DIS3L2: variants seen among roughly 807,000 people sequenced by gnomAD.
DIS3L2 encodes the protein DIS3-like exonuclease 2.
In DIS3L2, 34 loss-of-function variants were observed where a neutral mutation model predicts 97.5. The ratio of observed to expected loss-of-function variants is 0.35; its 90% CI spans 0.27 to 0.46. The LOEUF (loss-of-function observed/expected upper bound fraction) is 0.46. Ranked by LOEUF, DIS3L2 falls within the 20% of genes least tolerant of loss-of-function variation. The pLI is 1.00. For missense variants in DIS3L2, 1,038 were observed against 1,146.0 expected (o/e 0.91, Z 1.36); for synonymous variants, 435 against 445.2 (o/e 0.98, Z 0.29).
At chr2:232,016,213 A>C (rs1694350198) in intron 3 of DIS3L2, among the ~76,000 whole-genome samples, 1 of 152,230 alleles carries the variant, frequency 6.6e-6, no homozygotes, top group African/African-American at 2.4e-5. Context: ...TACTTTACAA[A>C]CTATGTTTAC....
intron 6 of DIS3L2, among the ~76,000 whole-genome samples, chr2:232,091,076 A>G (rs1296206124): frequency 3.3e-5 from 5 of 152,080 alleles, no homozygotes; most frequent in Non-Finnish European, 7.4e-5. Flanking sequence ...CCACTCCCCA[A>G]TCCCCCTTTG....
At chr2:232,340,440 C>T (rs1696079540), downstream of DIS3L2, among the ~76,000 whole-genome samples, 1 of 152,132 alleles carries the variant, frequency 6.6e-6, no homozygotes, top group South Asian at 2.1e-4. Context: ...CCACCGTGGT[C>T]TGCAGAGGCC....
chr2:232,190,554 G>GGAGAT (rs1240860412), intron 9 of DIS3L2, among the ~76,000 whole-genome samples: 4 of 151,576 alleles, frequency 2.6e-5, no homozygotes, highest in African/African-American at 9.7e-5. Flanking sequence ...GTTCTCAAAA[G>GGAGAT]GAGATGAGAT....
intron 6 of DIS3L2, among the ~76,000 whole-genome samples, chr2:232,113,357 T>C (rs1175696597): frequency 2.6e-5 from 4 of 152,222 alleles, no homozygotes; most frequent in Non-Finnish European, 5.9e-5. Context: ...AGTATTTACT[T>C]TATAGTATGC....
At chr2:232,218,227 A>G (rs1054115338) in intron 10 of DIS3L2, among the ~76,000 whole-genome samples, 4 of 152,200 alleles carry the variant, frequency 2.6e-5, no homozygotes, top group Non-Finnish European at 4.4e-5. Context: ...GTCATAAGCG[A>G]GGAACCGCGG....
At chr2:232,087,449 C>A in intron 5 of DIS3L2, 38 bp from the exon 6 acceptor site, 1 of 1,452,390 alleles carries the variant, frequency 6.9e-7, no homozygotes, top group Non-Finnish European at 9.3e-7. Flanking sequence ...TTTTTTTCCT[C>A]TCTCAGTGAT....
intron 14 of DIS3L2, among the ~76,000 whole-genome samples, chr2:232,303,059 T>A (rs1047544517): frequency 1.3e-5 from 2 of 152,180 alleles, no homozygotes; most frequent in African/African-American, 4.8e-5. Context: ...GCTTGTTGCC[T>A]CTTCTTCCCA....
chr2:232,200,150 T>C (rs367862832), intron 9 of DIS3L2, among the ~76,000 whole-genome samples: 4 of 152,146 alleles, frequency 2.6e-5, no homozygotes, highest in African/African-American at 9.7e-5. Context: ...GATATAAATA[T>C]GGAATGGGGG....
chr2:232,144,441 C>T (rs749425269), intron 8 of DIS3L2, among the ~76,000 whole-genome samples: 5 of 151,996 alleles, frequency 3.3e-5, no homozygotes, highest in Non-Finnish European at 7.4e-5. Context: ...GTCATGTTTC[C>T]TCTTCTAGAC....
chr2:232,045,670 CTTTTTT>C (rs35019734), intron 5 of DIS3L2, among the ~76,000 whole-genome samples: 4 of 99,052 alleles, frequency 4.0e-5, no homozygotes, highest in African/African-American at 1.5e-4. Flanking sequence ...AAAGGCCTCA[CTTTTTT>C]TTTTTTTTTT....
intron 6 of DIS3L2, among the ~76,000 whole-genome samples, chr2:232,127,105 C>T (rs1342521202): frequency 6.6e-6 from 1 of 152,192 alleles, no homozygotes; most frequent in Non-Finnish European, 1.5e-5. Context: ...GTTGCATGGA[C>T]TTGCATTTCA....
intron 3 of DIS3L2, among the ~76,000 whole-genome samples, chr2:232,021,257 C>T (rs975430124): frequency 6.6e-6 from 1 of 151,888 alleles, no homozygotes; most frequent in Non-Finnish European, 1.5e-5. Context: ...GGATTTGCAA[C>T]GTTAATAGAT....
At chr2:232,008,312 GCCA>G (rs937499835) in intron 1 of DIS3L2, among the ~76,000 whole-genome samples, 25 of 151,758 alleles carry the variant, frequency 1.6e-4, no homozygotes, top group African/African-American at 5.6e-4. Context: ...ACAGGTGTGA[GCCA>G]CCACATCTGG....
At chr2:232,270,314 T>C (rs1359419532) in intron 13 of DIS3L2, among the ~76,000 whole-genome samples, 3 of 152,188 alleles carry the variant, frequency 2.0e-5, no homozygotes, top group Non-Finnish European at 4.4e-5. Context: ...GAAATAACCA[T>C]GGTTAATATT....
chr2:232,343,489 T>A, exon 14 of DIS3L2: 2 of 1,556,376 alleles, frequency 1.3e-6, no homozygotes, highest in South Asian at 2.4e-5. Context: ...ACGACTGTTT[T>A]TCCTTCAGCA....
intron 1 of DIS3L2, among the ~76,000 whole-genome samples, chr2:232,013,518 C>G (rs1232392746): frequency 6.6e-6 from 1 of 152,210 alleles, no homozygotes; most frequent in African/African-American, 2.4e-5. Context: ...CAATAGTATG[C>G]TTTCCTCACA....
chr2:232,052,920 A>T (rs1027791780), intron 5 of DIS3L2, among the ~76,000 whole-genome samples: 6 of 152,144 alleles, frequency 3.9e-5, no homozygotes, highest in Non-Finnish European at 8.8e-5. Context: ...AATGACTCCC[A>T]CTATGTGATG....
At chr2:232,164,522 G>C (rs970093070) in intron 9 of DIS3L2, among the ~76,000 whole-genome samples, 1 of 152,090 alleles carries the variant, frequency 6.6e-6, no homozygotes, top group African/African-American at 2.4e-5. Context: ...ACACTTGCTC[G>C]CTTCATGCAG....
intron 10 of DIS3L2, among the ~76,000 whole-genome samples, chr2:232,222,525 C>T (rs1388594090): frequency 6.6e-6 from 1 of 152,068 alleles, no homozygotes; most frequent in Non-Finnish European, 1.5e-5. Flanking sequence ...GGCTGGAGTG[C>T]GATGGCGCAG....
Sources: allele counts gnomAD v4.1 joint callset (sites outside exome capture counted in the v4.1 genomes callset), GRCh38; gene constraint gnomAD v4.1.1; transcripts MANE v1.5; gene names NCBI Gene and HGNC (gene_info 2026-07-23, HGNC 2026-07-21).